Variants in CNTN4 observed in about 807,000 individuals in gnomAD.
The protein encoded by CNTN4 is contactin-4.
In CNTN4, 77 loss-of-function variants were observed where a neutral mutation model predicts 122.5. That is an observed-to-expected ratio of 0.63 (90% CI 0.52 to 0.76). CNTN4 has a LOEUF of 0.76. Ranked by LOEUF, CNTN4 falls within the 30% of genes least tolerant of loss-of-function variation. The pLI is 0.00. For synonymous variants in CNTN4, 512 were observed against 447.0 expected (o/e 1.15, Z -1.83); for missense variants, 1,256 against 1,259.1 (o/e 1.00, Z 0.04).
At chr3:2,971,355 T>C (rs763116635) in intron 13 of CNTN4, among the ~76,000 whole-genome samples, 10 of 71,398 alleles carry the variant, frequency 1.4e-4, no homozygotes, top group African/African-American at 1.9e-4. Flanking sequence ...TGTCTGTCTA[T>C]CTATCTATCT....
intron 13 of CNTN4, among the ~76,000 whole-genome samples, chr3:2,931,422 A>T (rs549690412): frequency 6.6e-6 from 1 of 152,210 alleles, no homozygotes; most frequent in South Asian, 2.1e-4. Flanking sequence ...GCAAATAAAG[A>T]GGTTACTGTT....
intron 2 of CNTN4, among the ~76,000 whole-genome samples, chr3:2,253,758 C>T (rs1447589146): frequency 1.3e-5 from 2 of 152,224 alleles, no homozygotes; most frequent in Non-Finnish European, 2.9e-5. Context: ...CCTCCCGCCT[C>T]AGCCTTTGAA....
chr3:2,954,041 A>T (rs2094773784), intron 13 of CNTN4, among the ~76,000 whole-genome samples: 1 of 152,216 alleles, frequency 6.6e-6, no homozygotes, highest in Admixed American at 6.5e-5. Flanking sequence ...TGAATCATTA[A>T]TTCCCAAATC....
intron 4 of CNTN4, among the ~76,000 whole-genome samples, chr3:2,579,756 TATGTTAA>T (rs1576078764): frequency 6.6e-6 from 1 of 152,324 alleles, no homozygotes; most frequent in East Asian, 1.9e-4. Flanking sequence ...ATTTAATATA[TATGTTAA>T]ATGTTAAATA....
chr3:2,725,807 C>T (rs2088184507), intron 4 of CNTN4, among the ~76,000 whole-genome samples: 1 of 152,024 alleles, frequency 6.6e-6, no homozygotes, highest in Non-Finnish European at 1.5e-5. Flanking sequence ...TATGTATTCA[C>T]ACACACACAA....
At chr3:2,426,449 T>G (rs577047632) in intron 3 of CNTN4, among the ~76,000 whole-genome samples, 58 of 152,336 alleles carry the variant, frequency 3.8e-4, no homozygotes, top group African/African-American at 1.3e-3. Flanking sequence ...AGCTTTTTGA[T>G]GTGCTGCTGG....
At chr3:2,911,827 G>T (rs1251134666) in intron 12 of CNTN4, among the ~76,000 whole-genome samples, 1 of 152,050 alleles carries the variant, frequency 6.6e-6, no homozygotes, top group Non-Finnish European at 1.5e-5. Context: ...TCAACAACAG[G>T]CTTGACCAGA....
In CNTN4 at chr3:2,287,718, GAAGAAGAAGAAGAAGAA is replaced by G. The variant is rs2041982217; in HGVS notation, c.-144-51459_-144-51443del. On this transcript the variant is annotated intron_variant, in intron 2 of 24. Transcript: ENST00000418658. The stretch of plus-strand genomic sequence containing the variant: ...GGAAGAAGAAGAAGAAGAGGAAGAA[GAAGAAGAAGAAGAAGAA>G]GAAGAAGAAGAAGAAGAAGAAGAAG... Among the ~76,000 whole-genome samples, 457 of 74,944 alleles carry G rather than the reference GAAGAAGAAGAAGAAGAA, an allele frequency of 6.1e-3. 3 individuals carry two copies. Among genetic ancestry groups the G allele is most frequent in the African/African-American group, 8.3e-3 (169 of 20,264 alleles). The allele number at this position is 74,944 out of a possible 152,430, so 49.2% of individuals were successfully genotyped here.
At chr3:2,538,943 GA>G (rs979316875) in intron 3 of CNTN4, among the ~76,000 whole-genome samples, 2 of 151,458 alleles carry the variant, frequency 1.3e-5, no homozygotes, top group African/African-American at 4.8e-5. Flanking sequence ...GGAATATTTG[GA>G]ATCCCCATAC....
intron 6 of CNTN4, among the ~76,000 whole-genome samples, chr3:2,760,548 T>C (rs968570587): frequency 6.6e-6 from 1 of 152,196 alleles, no homozygotes; most frequent in Non-Finnish European, 1.5e-5. Context: ...GATTTATATG[T>C]CTGTCCCTAG....
intron 14 of CNTN4, among the ~76,000 whole-genome samples, chr3:3,016,513 A>C (rs1697768554): frequency 6.6e-6 from 1 of 152,226 alleles, no homozygotes; most frequent in Non-Finnish European, 1.5e-5. Context: ...AAAACAAACA[A>C]GTTGACGGTG....
At chr3:2,349,651 A>C (rs1177141516) in intron 3 of CNTN4, among the ~76,000 whole-genome samples, 1 of 152,218 alleles carries the variant, frequency 6.6e-6, no homozygotes, top group African/African-American at 2.4e-5. Context: ...TTGTAGAGAA[A>C]ATTATGAAAA....
At chr3:2,293,956 A>G (rs1357510664) in intron 2 of CNTN4, among the ~76,000 whole-genome samples, 1 of 152,130 alleles carries the variant, frequency 6.6e-6, no homozygotes, top group Non-Finnish European at 1.5e-5. Flanking sequence ...GGCTCTGCTG[A>G]TGTTTACCCT....
chr3:2,936,322 A>C lies in CNTN4; in HGVS notation c.1358+10543A>C, dbSNP rs1487960831. Among the ~76,000 whole-genome samples the C allele has an allele frequency of 9.2e-5, 14 of 152,294 alleles. No homozygotes were observed. In the East Asian group the frequency reaches 2.7e-3, roughly 29 times the overall value. ...GCTCAGTGCCAGGCTGACTGCAGCAAAATCAACTGAGATGTGTTTTAGAAA... is the reference window on the plus strand; with the variant it reads ...GCTCAGTGCCAGGCTGACTGCAGCACAATCAACTGAGATGTGTTTTAGAAA... On this transcript the variant is annotated intron_variant, in intron 13 of 24. Transcript: ENST00000418658.
chr3:2,429,146 C>G (rs2047960247), intron 3 of CNTN4, among the ~76,000 whole-genome samples: 1 of 152,212 alleles, frequency 6.6e-6, no homozygotes, highest in Admixed American at 6.5e-5. Context: ...CCTTTGAAGG[C>G]AAAGAGGCCC....
chr3:2,814,346 C>T (rs535882493), intron 6 of CNTN4, among the ~76,000 whole-genome samples: 46 of 152,208 alleles, frequency 3.0e-4, no homozygotes, highest in African/African-American at 1.0e-3. Context: ...CTTTGGTGAC[C>T]AATTGCTAAA....
intron 4 of CNTN4, among the ~76,000 whole-genome samples, chr3:2,600,737 A>C (rs77841565): frequency 6.6e-6 from 1 of 152,162 alleles, no homozygotes; most frequent in Non-Finnish European, 1.5e-5. Flanking sequence ...GGCTGGGTCA[A>C]ACGGTATTTC....
At chr3:2,364,717 G>C (rs1229407628) in intron 3 of CNTN4, among the ~76,000 whole-genome samples, 1 of 152,056 alleles carries the variant, frequency 6.6e-6, no homozygotes, top group African/African-American at 2.4e-5. Context: ...ATCAAATGTG[G>C]CCCAATGAAT....
chr3:3,016,119 T>C (rs555566298), intron 14 of CNTN4, among the ~76,000 whole-genome samples: 72 of 152,336 alleles, frequency 4.7e-4, no homozygotes, highest in Non-Finnish European at 1.3e-4. Context: ...TTCCCATTTA[T>C]GATTCTTTTT....
Sources: allele counts gnomAD v4.1 joint callset (sites outside exome capture counted in the v4.1 genomes callset), GRCh38; gene constraint gnomAD v4.1.1; transcripts MANE v1.5; gene names NCBI Gene and HGNC (gene_info 2026-07-23, HGNC 2026-07-21).